Variants in EFCAB5 observed in about 807,000 individuals in gnomAD.
EFCAB5 encodes EF-hand calcium binding domain 5.
Under a neutral mutation model 167.9 loss-of-function variants are expected in EFCAB5, and 131 were observed. That is an observed-to-expected ratio of 0.78 (90% CI 0.68 to 0.90). The LOEUF (loss-of-function observed/expected upper bound fraction) is 0.90. Ranked by LOEUF, EFCAB5 falls within the 40% of genes least tolerant of loss-of-function variation. The pLI, the probability that EFCAB5 is intolerant of heterozygous loss-of-function variation, is 0.00. For synonymous variants in EFCAB5, 574 were observed against 602.8 expected (o/e 0.95, Z 0.70); for missense variants, 1,663 against 1,745.2 (o/e 0.95, Z 0.84).
intron 7 of EFCAB5, among the ~76,000 whole-genome samples, chr17:30,029,386 G>T (rs1171321439): frequency 1.3e-5 from 2 of 152,104 alleles, no homozygotes; most frequent in Non-Finnish European, 2.9e-5. Flanking sequence ...TTATAATGAG[G>T]TGTTGAGTAG....
intron 22 of EFCAB5, among the ~76,000 whole-genome samples, chr17:30,104,373 T>C (rs1403660030): frequency 6.6e-6 from 1 of 152,204 alleles, no homozygotes; most frequent in East Asian, 1.9e-4. Context: ...TATCCTACTA[T>C]AGCCCAGTGT....
At chr17:30,059,795 A>G in intron 14 of EFCAB5, 94 bp downstream of exon 14, 1 of 996,516 alleles carries the variant, frequency 1.0e-6, no homozygotes, top group South Asian at 3.0e-5. Context: ...TGGTTATGCT[A>G]AAACCACTAG....
chr17:29,958,308 A>G (rs898053084), intron 3 of EFCAB5, among the ~76,000 whole-genome samples: 3 of 152,168 alleles, frequency 2.0e-5, no homozygotes, highest in East Asian at 3.9e-4. Flanking sequence ...TATTTTCTAG[A>G]TACTGCAGTC....
rs766534774 is a variant in EFCAB5 at position 30,051,167 on chromosome 17, A to G, written c.1250A>G (p.Tyr417Cys). 11 of 1,613,982 alleles carry G rather than the reference A, an allele frequency of 6.8e-6. No individual in the cohort carries two copies. Among genetic ancestry groups the G allele is most frequent in the East Asian group, 2.2e-5 (1 of 44,880 alleles). The part of the protein sequence containing the change: ...QRTLALLELF[Y>C]DHSSQMLRSL... ...ACATTGGCCCTGCTGGAATTGTTCT[A>G]TGACCATAGTTCACAAATGCTTAGG... is the stretch of plus-strand genomic sequence containing the variant. The change falls in exon 9 of 23, where the codon TAT becomes TGT. Residue 417 changes from tyrosine to cysteine, a missense_variant. By Grantham distance (194) the Tyr-to-Cys change is radical (BLOSUM62 -2). Coordinates refer to ENST00000394835, the MANE Select transcript of EFCAB5 (RefSeq NM_198529.4).
At chr17:30,002,292 C>G (rs2068679425) in intron 7 of EFCAB5, among the ~76,000 whole-genome samples, 1 of 152,050 alleles carries the variant, frequency 6.6e-6, no homozygotes, top group African/African-American at 2.4e-5. Context: ...TTTTGCATGA[C>G]TTTAGTATAA....
chr17:30,036,336 T>C (rs2069625294), intron 8 of EFCAB5, among the ~76,000 whole-genome samples: 1 of 132,504 alleles, frequency 7.5e-6, no homozygotes, highest in African/African-American at 2.9e-5. Flanking sequence ...AATATATAAT[T>C]ATATATAATA....
At chr17:30,035,423 G>A (rs1403639727) in intron 8 of EFCAB5, among the ~76,000 whole-genome samples, 1 of 152,230 alleles carries the variant, frequency 6.6e-6, no homozygotes, top group East Asian at 1.9e-4. Flanking sequence ...GATATTGAAA[G>A]TGCAGGGGCA....
At chr17:30,010,052 C>T (rs1011721616) in intron 7 of EFCAB5, among the ~76,000 whole-genome samples, 34 of 152,042 alleles carry the variant, frequency 2.2e-4, no homozygotes, top group African/African-American at 5.3e-4. Context: ...TGAGAACATG[C>T]GGTGTTTGGT....
chr17:30,006,879 A>G (rs1001660747), intron 7 of EFCAB5, among the ~76,000 whole-genome samples: 5 of 152,106 alleles, frequency 3.3e-5, no homozygotes, highest in African/African-American at 1.2e-4. Flanking sequence ...CTGGTCTCAA[A>G]TTCCTGGATT....
intron 1 of EFCAB5, among the ~76,000 whole-genome samples, chr17:29,936,298 G>C (rs2067245159): frequency 6.6e-6 from 1 of 152,104 alleles, no homozygotes; most frequent in Non-Finnish European, 1.5e-5. Context: ...ACACACTGGG[G>C]CCTGTCGTGG....
chr17:29,958,936 G>A (rs1020705218), intron 3 of EFCAB5, among the ~76,000 whole-genome samples: 2 of 152,132 alleles, frequency 1.3e-5, no homozygotes, highest in Non-Finnish European at 2.9e-5. Flanking sequence ...GAGAATTCCC[G>A]GGATTACCAG....
At chr17:29,958,917 A>G (rs1009373805) in intron 3 of EFCAB5, among the ~76,000 whole-genome samples, 1 of 152,162 alleles carries the variant, frequency 6.6e-6, no homozygotes, top group East Asian at 1.9e-4. Context: ...TGTCTTGGGT[A>G]AGATCCAGGA....
At chr17:29,986,185 A>G (rs1419556784) in intron 4 of EFCAB5, among the ~76,000 whole-genome samples, 4 of 152,204 alleles carry the variant, frequency 2.6e-5, no homozygotes, top group Admixed American at 2.6e-4. Context: ...GCAATATCCA[A>G]AGACAAGTTT....
At chr17:30,012,438 C>G (rs1488466841) in intron 7 of EFCAB5, among the ~76,000 whole-genome samples, 1 of 152,152 alleles carries the variant, frequency 6.6e-6, no homozygotes, top group Admixed American at 6.5e-5. Context: ...TACTAAAAGT[C>G]TCTAATAATG....
At chr17:30,069,406 G>A (rs2070668546) in intron 14 of EFCAB5, 1 of 1,534,840 alleles carries the variant, frequency 6.5e-7, no homozygotes, top group Non-Finnish European at 9.0e-7. Context: ...AAGGGAGAGT[G>A]GTTGAGATTT....
chr17:29,958,914 G>T (rs960993348), intron 3 of EFCAB5, among the ~76,000 whole-genome samples: 28 of 152,076 alleles, frequency 1.8e-4, no homozygotes, highest in African/African-American at 6.3e-4. Flanking sequence ...GGTTGTCTTG[G>T]GTAAGATCCA....
intron 3 of EFCAB5, among the ~76,000 whole-genome samples, chr17:29,954,452 G>T (rs1008838545): frequency 1.3e-5 from 2 of 152,230 alleles, no homozygotes; most frequent in Non-Finnish European, 2.9e-5. Flanking sequence ...GCTTCAGCAG[G>T]TGCAAGCCCT....
At chr17:29,987,411 C>T (rs928552609) in intron 4 of EFCAB5, among the ~76,000 whole-genome samples, 1 of 152,170 alleles carries the variant, frequency 6.6e-6, no homozygotes, top group Non-Finnish European at 1.5e-5. Flanking sequence ...GAAATACAAG[C>T]ATAACCTCTA....
intron 3 of EFCAB5, among the ~76,000 whole-genome samples, chr17:29,945,314 GTT>G (rs989841581): frequency 6.9e-6 from 1 of 144,266 alleles, no homozygotes. Flanking sequence ...TAGGTGCTGG[GTT>G]TTTTTTTTTC....
Sources: allele counts gnomAD v4.1 joint callset (sites outside exome capture counted in the v4.1 genomes callset), GRCh38; gene constraint gnomAD v4.1.1; transcripts MANE v1.5; gene names NCBI Gene and HGNC (gene_info 2026-07-23, HGNC 2026-07-21).